Variants in KBTBD2 observed in about 807,000 individuals in gnomAD.
KBTBD2 encodes kelch repeat and BTB domain-containing protein 2.
In KBTBD2, 17 loss-of-function variants were observed where a neutral mutation model predicts 57.1. The observed-to-expected ratio is 0.30, with a 90% CI of 0.20 to 0.45. KBTBD2 has a LOEUF of 0.45. Ranked by LOEUF, KBTBD2 falls within the 20% of genes least tolerant of loss-of-function variation. The pLI, the probability that KBTBD2 is intolerant of heterozygous loss-of-function variation, is 1.00. For synonymous variants in KBTBD2, 267 were observed against 262.7 expected (o/e 1.02, Z -0.16); for missense variants, 515 against 750.6 (o/e 0.69, Z 3.67).
intron 1 of KBTBD2, among the ~76,000 whole-genome samples, chr7:32,888,814 C>A (rs993584137): frequency 6.6e-6 from 1 of 152,032 alleles, no homozygotes; most frequent in Admixed American, 6.6e-5. Flanking sequence ...AGGTTAATTA[C>A]GCTCAGCACC....
At chr7:32,883,338 G>C (rs1038131326) in intron 1 of KBTBD2, among the ~76,000 whole-genome samples, 1 of 152,152 alleles carries the variant, frequency 6.6e-6, no homozygotes. Context: ...AGTGAACTGA[G>C]ATCACACCAC....
chr7:32,891,120 G>C (rs961724408), intron 1 of KBTBD2: 36 of 152,250 alleles, frequency 2.4e-4, no homozygotes, highest in African/African-American at 7.2e-4. Context: ...GTCCTCCTTC[G>C]GCCCACCATG....
chr7:32,884,968 ATGTG>A (rs200344166), intron 1 of KBTBD2, among the ~76,000 whole-genome samples: 4 of 134,560 alleles, frequency 3.0e-5, no homozygotes, highest in East Asian at 4.9e-4. Context: ...ATATGTGTGT[ATGTG>A]TGTGTATATA....
At chr7:32,872,667 C>T (rs1784210915) in intron 3 of KBTBD2, among the ~76,000 whole-genome samples, 1 of 152,080 alleles carries the variant, frequency 6.6e-6, no homozygotes, top group African/African-American at 2.4e-5. Flanking sequence ...AGAGCAAGAC[C>T]CTGTCACACA....
At chr7:32,885,002 GTA>G (rs140922726) in intron 1 of KBTBD2, among the ~76,000 whole-genome samples, 63,574 of 116,246 alleles carry the variant, frequency 0.55, 16,317 homozygotes, top group African/African-American at 0.72. Flanking sequence ...ACATATATGT[GTA>G]TATATATATA....
intron 3 of KBTBD2, among the ~76,000 whole-genome samples, chr7:32,872,059 G>T (rs550238740): frequency 6.6e-6 from 1 of 152,250 alleles, no homozygotes; most frequent in South Asian, 2.1e-4. Context: ...AAATTAGCTG[G>T]ATGTGCTGGT....
At chr7:32,885,138 A>G (rs1784546559) in intron 1 of KBTBD2, among the ~76,000 whole-genome samples, 1 of 151,338 alleles carries the variant, frequency 6.6e-6, no homozygotes, top group African/African-American at 2.4e-5. Flanking sequence ...GGCCTCCCAG[A>G]GTACTGGGAT....
At chr7:32,883,659 T>C (rs187670652) in intron 1 of KBTBD2, among the ~76,000 whole-genome samples, 4 of 152,358 alleles carry the variant, frequency 2.6e-5, no homozygotes, top group African/African-American at 9.6e-5. Context: ...GACCCTGTTA[T>C]CTGTAGAAGC....
intron 1 of KBTBD2, among the ~76,000 whole-genome samples, chr7:32,880,723 G>A (rs915666353): frequency 4.6e-5 from 7 of 152,110 alleles, no homozygotes; most frequent in African/African-American, 1.7e-4. Context: ...AGATATTTGA[G>A]GGGAAGAAGG....
chr7:32,879,334 A>G, intron 2 of KBTBD2, 101 bp downstream of exon 2: 1 of 791,242 alleles, frequency 1.3e-6, no homozygotes, highest in East Asian at 2.7e-5. Context: ...ATCTGAATAG[A>G]AACCTTAAGC....
At chr7:32,877,698 G>A (rs1354033496) in intron 2 of KBTBD2, among the ~76,000 whole-genome samples, 2 of 152,142 alleles carry the variant, frequency 1.3e-5, no homozygotes, top group Admixed American at 1.3e-4. Context: ...ATGATGGATG[G>A]CTTCAACCCC....
chr7:32,876,289 T>A (rs1284237391), intron 2 of KBTBD2, among the ~76,000 whole-genome samples: 1 of 152,058 alleles, frequency 6.6e-6, no homozygotes, highest in Admixed American at 6.5e-5. Context: ...AGGACAGAGA[T>A]GAAGAAGCCA....
intron 1 of KBTBD2, among the ~76,000 whole-genome samples, chr7:32,885,193 G>T (rs1047305112): frequency 1.3e-5 from 2 of 151,546 alleles, no homozygotes; most frequent in Non-Finnish European, 1.5e-5. Flanking sequence ...GCTTCTTGAT[G>T]AAATATTTAG....
chr7:32,888,777 C>G (rs546565459), intron 1 of KBTBD2, among the ~76,000 whole-genome samples: 1 of 152,056 alleles, frequency 6.6e-6, no homozygotes, highest in African/African-American at 2.4e-5. Flanking sequence ...TCTTTCCAAC[C>G]ATACTGATAG....
At chr7:32,881,824 T>C (rs1190707357) in intron 1 of KBTBD2, among the ~76,000 whole-genome samples, 1 of 152,214 alleles carries the variant, frequency 6.6e-6, no homozygotes, top group Non-Finnish European at 1.5e-5. Context: ...GAGGAGTAAG[T>C]TGATACATAC....
At chr7:32,890,450 A>C (rs898052275) in intron 1 of KBTBD2, among the ~76,000 whole-genome samples, 4 of 152,244 alleles carry the variant, frequency 2.6e-5, no homozygotes, top group African/African-American at 9.6e-5. Flanking sequence ...CAATTACAAG[A>C]GATCTAAGAC....
upstream of KBTBD2, chr7:32,891,838 GC>G (rs1440019108): frequency 2.5e-5 from 3 of 118,248 alleles, no homozygotes; most frequent in African/African-American, 1.0e-4. Flanking sequence ...CCGCCCGCCC[GC>G]GCCGCCTTGT....
chr7:32,875,975 A>G (rs1784303572), intron 2 of KBTBD2, among the ~76,000 whole-genome samples: 1 of 152,326 alleles, frequency 6.6e-6, no homozygotes, highest in Non-Finnish European at 1.5e-5. Flanking sequence ...CTGTAAATAT[A>G]CTAAAATTCA....
chr7:32,875,641 T>C (rs937011057), intron 2 of KBTBD2, among the ~76,000 whole-genome samples: 1 of 152,178 alleles, frequency 6.6e-6, no homozygotes, highest in African/African-American at 2.4e-5. Context: ...TATTCCACCA[T>C]GCCATTTTGA....
Sources: allele counts gnomAD v4.1 joint callset (sites outside exome capture counted in the v4.1 genomes callset), GRCh38; gene constraint gnomAD v4.1.1; transcripts MANE v1.5; gene names NCBI Gene and HGNC (gene_info 2026-07-23, HGNC 2026-07-21).